RABGAP1L: variants seen among roughly 807,000 people sequenced by gnomAD.
The protein encoded by RABGAP1L is RAB GTPase activating protein 1 like.
A neutral mutation model predicts 137.7 loss-of-function variants in RABGAP1L; 63 were observed. That is an observed-to-expected ratio of 0.46 (90% confidence interval 0.37 to 0.56). The LOEUF (loss-of-function observed/expected upper bound fraction) is 0.56, where lower values mean the gene tolerates loss of function less well. Among genes scored for constraint, RABGAP1L ranks in the 20% least tolerant of loss-of-function variants. The pLI, the probability that RABGAP1L is intolerant of heterozygous loss-of-function variation, is 0.00. For synonymous variants in RABGAP1L, 431 were observed against 433.7 expected, an observed-to-expected ratio of 0.99 and a Z score of 0.08; for missense variants, 1,095 against 1,244.0, an observed-to-expected ratio of 0.88 and a Z score of 1.80.
At chr1:174,502,056 A>G (rs958612392) in intron 13 of RABGAP1L, among the ~76,000 whole-genome samples, 17 of 151,714 alleles carry the variant, frequency 1.1e-4, no homozygotes, top group African/African-American at 3.4e-4. Context: ...TTAGGCAGAA[A>G]CCATGAAAAT....
At chr1:174,371,544 T>C (rs1475550257) in intron 12 of RABGAP1L, among the ~76,000 whole-genome samples, 1 of 152,154 alleles carries the variant, frequency 6.6e-6, no homozygotes, top group African/African-American at 2.4e-5. Context: ...AGTATTACTT[T>C]AAATTTTGGC....
intron 13 of RABGAP1L, among the ~76,000 whole-genome samples, chr1:174,438,124 T>C (rs953880120): frequency 6.6e-6 from 1 of 152,120 alleles, no homozygotes; most frequent in Non-Finnish European, 1.5e-5. Context: ...CATGCCAAAT[T>C]GTAAAGACCA....
intron 19 of RABGAP1L, chr1:174,877,679 C>G: frequency 1.4e-6 from 2 of 1,451,454 alleles, no homozygotes; most frequent in Non-Finnish European, 9.6e-7. Flanking sequence ...CCTGTAGCAA[C>G]TGAGGCATAA....
intron 10 of RABGAP1L, among the ~76,000 whole-genome samples, chr1:174,300,389 G>T (rs779944579): frequency 1.3e-5 from 2 of 152,090 alleles, no homozygotes; most frequent in Non-Finnish European, 2.9e-5. Flanking sequence ...GCAGGTTGTG[G>T]TGGCGCATGC....
At chr1:174,193,944 TAAC>T (rs1331560020) in intron 1 of RABGAP1L, among the ~76,000 whole-genome samples, 1 of 152,206 alleles carries the variant, frequency 6.6e-6, no homozygotes, top group Non-Finnish European at 1.5e-5. Flanking sequence ...CATTTTATGT[TAAC>T]AACAATCCTG....
intron 13 of RABGAP1L, among the ~76,000 whole-genome samples, chr1:174,554,151 G>T (rs1250108244): frequency 6.6e-6 from 1 of 152,146 alleles, no homozygotes; most frequent in East Asian, 1.9e-4. Flanking sequence ...AATTCAGTAG[G>T]TTTTTACAGT....
chr1:174,431,257 CCTTT>C (rs977737696), intron 13 of RABGAP1L, among the ~76,000 whole-genome samples: 5 of 151,818 alleles, frequency 3.3e-5, no homozygotes, highest in African/African-American at 9.7e-5. Flanking sequence ...TGTTTTGAAC[CCTTT>C]CTATGAGATA....
At chr1:174,798,881 GTCCCTA>G (rs1688482335) in intron 18 of RABGAP1L, among the ~76,000 whole-genome samples, 1 of 152,202 alleles carries the variant, frequency 6.6e-6, no homozygotes, top group Non-Finnish European at 1.5e-5. Context: ...TTAAGAGACT[GTCCCTA>G]TGGTGATTTG....
chr1:174,800,663 G>C (rs1481154058), intron 18 of RABGAP1L, among the ~76,000 whole-genome samples: 1 of 152,104 alleles, frequency 6.6e-6, no homozygotes, highest in Non-Finnish European at 1.5e-5. Context: ...AGCTCATTTG[G>C]AGCCTGGTCC....
chr1:174,391,156 T>G (rs1012593992), intron 12 of RABGAP1L, among the ~76,000 whole-genome samples: 58 of 152,170 alleles, frequency 3.8e-4, no homozygotes, highest in Non-Finnish European at 7.4e-5. Flanking sequence ...ATCATTTAAG[T>G]GAAAACTTTT....
At chr1:174,246,251 A>G (rs1381125531) in intron 5 of RABGAP1L, 1 of 152,170 alleles carries the variant, frequency 6.6e-6, no homozygotes, top group Non-Finnish European at 1.5e-5. Context: ...AAACTCAAAC[A>G]GATATACAGT....
chr1:174,277,739 A>G (rs931261734), intron 9 of RABGAP1L, among the ~76,000 whole-genome samples: 3 of 152,144 alleles, frequency 2.0e-5, no homozygotes, highest in African/African-American at 7.2e-5. Flanking sequence ...TTTCCACTGC[A>G]CTAAGATCCA....
At chr1:174,412,858 A>C (rs1412015235) in intron 13 of RABGAP1L, among the ~76,000 whole-genome samples, 1 of 152,142 alleles carries the variant, frequency 6.6e-6, no homozygotes, top group Non-Finnish European at 1.5e-5. Context: ...TTCCCTTTGT[A>C]CATGATCTGA....
chr1:174,795,070 T>G (rs937255835), intron 18 of RABGAP1L, among the ~76,000 whole-genome samples: 1 of 152,172 alleles, frequency 6.6e-6, no homozygotes, highest in Admixed American at 6.6e-5. Flanking sequence ...ACTGACCACC[T>G]GCTTCCAGTA....
At chr1:174,789,959 G>A (rs565005756) in intron 18 of RABGAP1L, among the ~76,000 whole-genome samples, 114 of 152,208 alleles carry the variant, frequency 7.5e-4, no homozygotes, top group Middle Eastern at 3.4e-3. Context: ...AGTAATCTTG[G>A]CACTTTGGGA....
chr1:174,842,643 T>C (rs1693540823), intron 19 of RABGAP1L, among the ~76,000 whole-genome samples: 1 of 152,184 alleles, frequency 6.6e-6, no homozygotes, highest in South Asian at 2.1e-4. Context: ...TAGTAATATA[T>C]TAGGCAGAGC....
intron 13 of RABGAP1L, among the ~76,000 whole-genome samples, chr1:174,543,792 G>T (rs973795196): frequency 6.6e-5 from 10 of 152,108 alleles, no homozygotes; most frequent in Admixed American, 6.6e-5. Context: ...CAGGCCTGGT[G>T]GTGACAAAAT....
chr1:174,828,876 C>G (rs763135670), intron 19 of RABGAP1L, among the ~76,000 whole-genome samples: 1 of 147,976 alleles, frequency 6.8e-6, no homozygotes, highest in Non-Finnish European at 1.5e-5. Context: ...TTAAATTTAG[C>G]CTTTTCCATT....
chr1:174,257,526 T>G (rs1484253560), intron 7 of RABGAP1L, among the ~76,000 whole-genome samples: 1 of 152,218 alleles, frequency 6.6e-6, no homozygotes, highest in African/African-American at 2.4e-5. Context: ...ATGTTACTTT[T>G]TGCCCACCCT....
Sources: allele counts gnomAD v4.1 joint callset (sites outside exome capture counted in the v4.1 genomes callset), GRCh38; gene constraint gnomAD v4.1.1; transcripts MANE v1.5; gene names NCBI Gene and HGNC (gene_info 2026-07-23, HGNC 2026-07-21).